Variants in PTPRS observed in about 807,000 individuals in gnomAD.
PTPRS encodes the protein protein tyrosine phosphatase receptor type S, also known as receptor-type tyrosine-protein phosphatase S.
PTPRS carries 63 observed loss-of-function variants against 215.3 expected under a neutral mutation model. The ratio of observed to expected loss-of-function variants is 0.29; its 90% CI spans 0.24 to 0.36. The LOEUF is 0.36. PTPRS is among the 10% of genes least tolerant of loss of function. The pLI is 1.00. For missense variants in PTPRS, 2,258 were observed against 2,825.8 expected, an observed-to-expected ratio of 0.80 and a Z score of 4.56; for synonymous variants, 1,404 against 1,191.4, an observed-to-expected ratio of 1.18 and a Z score of -3.68.
In PTPRS at chr19:5,318,954, G is replaced by C. The variant is rs113775389; in HGVS notation, c.-95+21710C>G. Among the ~76,000 whole-genome samples the C allele has an allele frequency of 1.7e-3, 264 of 152,296 alleles. 2 individuals carry two copies. The highest frequency in any genetic ancestry group is 5.9e-3 in the African/African-American group (245 of 41,556). Reference sequence around the variant, plus strand: ...GTATTCTCCATTTAACAGACAGTGAGTCCCTGGAGGGCAAGGGCCTGGCCT... The same window carrying C: ...GTATTCTCCATTTAACAGACAGTGACTCCCTGGAGGGCAAGGGCCTGGCCT... On this transcript the variant is annotated intron_variant, in intron 1 of 37. Transcript: ENST00000262963.
At chr19:5,253,488 G>A (rs992870840) in intron 9 of PTPRS, among the ~76,000 whole-genome samples, 23 of 152,182 alleles carry the variant, frequency 1.5e-4, no homozygotes, top group African/African-American at 5.5e-4. Context: ...TATCTGCAAG[G>A]GTAGCCTTGT....
Position 5,257,999 on chromosome 19 carries a change from G to A in PTPRS, c.706+18C>T, listed in dbSNP as rs754401026. The stretch of plus-strand genomic sequence containing the variant: ...CGGGGCGGGTCCCTGCCTTTGACCT[G>A]GACGCGGCGTTCCCTACCTCGCACG... On this transcript the variant is annotated intron_variant, in intron 8 of 37. Coordinates refer to ENST00000262963, the MANE Select transcript of PTPRS (RefSeq NM_002850.4). This position sits in a 1 kb window ranked among gnomAD's most constrained non-coding sequence, Gnocchi z 4.4. The A allele has an allele frequency of 1.9e-6, 3 of 1,605,416 alleles. No individual in the cohort carries two copies. Among genetic ancestry groups the A allele is most frequent in the Non-Finnish European group, 2.6e-6 (3 of 1,173,678 alleles).
Position 5,293,433 on chromosome 19 carries a change from G to C in PTPRS, c.-94-7199C>G, listed in dbSNP as rs1387250000. ...AGAGGGGAGCCCCATCTGGAGGCGC[G>C]GAGAGCCTCCGCAGGAGTCCATGAA... On this transcript the variant is annotated intron_variant, in intron 1 of 37. Coordinates refer to ENST00000262963, the MANE Select transcript of PTPRS (RefSeq NM_002850.4). This position sits in a 1 kb window ranked among gnomAD's most constrained non-coding sequence, Gnocchi z 8.4. Among the ~76,000 whole-genome samples the C allele has an allele frequency of 1.3e-5, 2 of 151,974 alleles. No individual in the cohort carries two copies. Among genetic ancestry groups the C allele is most frequent in the Non-Finnish European group, 2.9e-5 (2 of 67,930 alleles).
chr19:5,209,384 C>T (rs765350381), intron 35 of PTPRS, among the ~76,000 whole-genome samples: 2 of 152,220 alleles, frequency 1.3e-5, no homozygotes, highest in African/African-American at 2.4e-5. Context: ...CTGACATTCT[C>T]CATTCCCCAT....
intron 1 of PTPRS, among the ~76,000 whole-genome samples, chr19:5,305,592 G>C (rs150976547): frequency 6.6e-6 from 1 of 150,536 alleles, no homozygotes; most frequent in Non-Finnish European, 1.5e-5. Flanking sequence ...AGCTGGACAC[G>C]GTGGCTCATG....
Position 5,214,448 on chromosome 19 carries a change from G to A in PTPRS, c.4527C>T (p.Gly1509=), listed in dbSNP as rs138919238. The A allele has an allele frequency of 1.0e-4, 166 of 1,614,178 alleles. No individual in the cohort carries two copies. The African/African-American group carries it at 2.1e-3, about 20-fold the overall frequency. Residue 1509 remains glycine (G), a synonymous_variant, in exon 30 of 38, where the codon GGC becomes GGT. Coordinates refer to ENST00000262963, the MANE Select transcript of PTPRS (RefSeq NM_002850.4). ...CCTGGATGAAGCCGTAGGTCTCCGT[G>A]CCTCTGTTGGGCCAATACTGATCAC... ...IKCDQYWPNR[G]TETYGFIQVT...
At chr19:5,209,395 C>T (rs2040657065) in intron 35 of PTPRS, among the ~76,000 whole-genome samples, 1 of 152,192 alleles carries the variant, frequency 6.6e-6, no homozygotes, top group East Asian at 1.9e-4. Flanking sequence ...CATTCCCCAT[C>T]ATCTGCCTTG....
Position 5,212,060 on chromosome 19 carries a change from T to G in PTPRS, c.4960A>C (p.Thr1654Pro), listed in dbSNP as rs1234245419. The part of the protein sequence containing the change: ...ALLEAVGCGN[T>P]EVPARSLYAY... Reference sequence around the variant, plus strand: ...TAGAGGCTGCGTGCGGGCACTTCTGTGTTGCCACAGCCCACGGCCTCCAGC... The same window carrying G: ...TAGAGGCTGCGTGCGGGCACTTCTGGGTTGCCACAGCCCACGGCCTCCAGC... Residue 1654 changes from threonine (T) to proline (P), a missense_variant, in exon 32 of 38, where the codon ACA becomes CCA. By Grantham distance (38) the Thr-to-Pro change is conservative. Around this residue, in one of 6 missense-constraint regions of PTPRS, gnomAD observed 927 missense variants for 1,125.9 expected, o/e 0.82. Coordinates refer to ENST00000262963, the MANE Select transcript of PTPRS (RefSeq NM_002850.4). The G allele has an allele frequency of 1.2e-6, 2 of 1,614,008 alleles. No individual in the cohort carries two copies. Among genetic ancestry groups the G allele is most frequent in the Non-Finnish European group, 1.7e-6 (2 of 1,180,036 alleles).
chr19:5,262,308 C>T (rs930634209), intron 6 of PTPRS, among the ~76,000 whole-genome samples: 2 of 152,280 alleles, frequency 1.3e-5, no homozygotes, highest in East Asian at 3.9e-4. Context: ...GGCCAAATCA[C>T]TCAGGGCTAT....
intron 9 of PTPRS, among the ~76,000 whole-genome samples, chr19:5,251,375 G>A (rs2045049907): frequency 1.3e-5 from 2 of 151,312 alleles, no homozygotes; most frequent in African/African-American, 4.9e-5. Flanking sequence ...GCTGACCAGC[G>A]GCCTTGGCAA....
intron 1 of PTPRS, among the ~76,000 whole-genome samples, chr19:5,303,266 G>C (rs1341443990): frequency 6.6e-6 from 1 of 152,110 alleles, no homozygotes; most frequent in Non-Finnish European, 1.5e-5. Context: ...TTGTGGGTCT[G>C]AAGTCTGTAA....
At chr19:5,309,769 T>C (rs1392639896) in intron 1 of PTPRS, among the ~76,000 whole-genome samples, 3 of 152,080 alleles carry the variant, frequency 2.0e-5, no homozygotes, top group African/African-American at 4.8e-5. Flanking sequence ...AAAATCCTTC[T>C]AGAATACAAC....
intron 4 of PTPRS, among the ~76,000 whole-genome samples, chr19:5,270,714 T>G (rs574840200): frequency 6.6e-6 from 1 of 152,282 alleles, no homozygotes; most frequent in African/African-American, 2.4e-5. Flanking sequence ...CTCAGCTCAC[T>G]GCAGCCTCCG....
rs1344979757 is a variant in PTPRS at position 5,222,795 on chromosome 19, G to A, written c.2997C>T (p.Gly999=). ...GGTCATAGGCCGTGTCGGGCTTCAG[G>A]CCCTGCAGCGTGAGCGCGTTCTCCG... ...PGAENALTLQ[G]LKPDTAYDLQ... Residue 999 remains glycine, a synonymous_variant, in exon 18 of 38, where the codon GGC becomes GGT. Transcript: ENST00000262963. The A allele has an allele frequency of 5.0e-6, 8 of 1,598,448 alleles. No individual in the cohort carries two copies. Among genetic ancestry groups the A allele is most frequent in the Non-Finnish European group, 6.8e-6 (8 of 1,178,550 alleles).
intron 2 of PTPRS, among the ~76,000 whole-genome samples, chr19:5,275,872 T>G (rs1018425878): frequency 2.6e-5 from 4 of 151,886 alleles, no homozygotes; most frequent in African/African-American, 7.3e-5. Context: ...GGTCTGGAAC[T>G]CCTGGCCTCA....
At chr19:5,332,084 T>C (rs967740035) in intron 1 of PTPRS, among the ~76,000 whole-genome samples, 1 of 151,936 alleles carries the variant, frequency 6.6e-6, no homozygotes, top group Non-Finnish European at 1.5e-5. Context: ...ATTTCTGTAC[T>C]GTGCCATGTT....
intron 14 of PTPRS, 80 bp from the exon 15 acceptor site, chr19:5,229,764 C>A: frequency 1.1e-6 from 1 of 905,936 alleles, no homozygotes; most frequent in Non-Finnish European, 1.4e-6. Context: ...GTGCCACTGT[C>A]CGATTCCAGG....
chr19:5,321,543 A>G (rs548683126), intron 1 of PTPRS, among the ~76,000 whole-genome samples: 2 of 152,214 alleles, frequency 1.3e-5, no homozygotes, highest in Non-Finnish European at 2.9e-5. Context: ...GTCATTTTGT[A>G]GAGGCCTCAG....
At chr19:5,276,896 C>CTACA (rs2047418914) in intron 2 of PTPRS, among the ~76,000 whole-genome samples, 1 of 152,074 alleles carries the variant, frequency 6.6e-6, no homozygotes, top group African/African-American at 2.4e-5. Context: ...CTGGGACAGG[C>CTACA]TACAGTATCT....
Sources: allele counts gnomAD v4.1 joint callset (sites outside exome capture counted in the v4.1 genomes callset), GRCh38; gene constraint gnomAD v4.1.1; regional missense constraint gnomAD v4.1.1; non-coding constraint Gnocchi (gnomAD v3.1); transcripts MANE v1.5; gene names NCBI Gene and HGNC (gene_info 2026-07-23, HGNC 2026-07-21).